Variants in DECR2 observed in about 807,000 individuals in gnomAD.
DECR2 encodes the protein 2,4-dienoyl-CoA reductase 2.
A neutral mutation model predicts 29.2 loss-of-function variants in DECR2; 34 were observed. The ratio of observed to expected loss-of-function variants is 1.16; its 90% confidence interval spans 0.89 to 1.55. The LOEUF (loss-of-function observed/expected upper bound fraction) is 1.55. DECR2 is among the 40% of genes most tolerant of loss of function. The pLI, the probability that DECR2 is intolerant of heterozygous loss-of-function variation, is 0.00. For synonymous variants in DECR2, 224 were observed against 182.7 expected (o/e 1.23, Z -1.82); for missense variants, 485 against 425.3 (o/e 1.14, Z -1.23).
chr16:411,069 G>T lies in DECR2; in HGVS notation c.654G>T (p.Arg218=). The change falls in exon 7 of 9, where the codon CGG becomes CGT. Residue 218 remains arginine, a synonymous_variant. Coordinates refer to ENST00000219481, the MANE Select transcript of DECR2 (RefSeq NM_020664.4). ...PGPISGTEGL[R]RLGGPQASLS... is the part of the protein sequence containing the mutation. ...CCATCAGTGGCACAGAGGGGCTCCG[G>T]CGACTGGGTAAGGCTCTCAGGGAGC... The T allele has an allele frequency of 1.3e-6, 2 of 1,542,214 alleles. No homozygotes were observed. Among genetic ancestry groups the T allele is most frequent in the Non-Finnish European group, 1.7e-6 (2 of 1,148,072 alleles).
intron 1 of DECR2, among the ~76,000 whole-genome samples, chr16:404,405 AT>A (rs1218861280): frequency 2.0e-5 from 3 of 148,964 alleles, no homozygotes; most frequent in African/African-American, 7.3e-5. Context: ...CACCCGGCTA[AT>A]TTTTTATATT....
At chr16:411,307 G>C in intron 7 of DECR2, 54 bp from the exon 8 acceptor site, 1 of 1,524,068 alleles carries the variant, frequency 6.6e-7, no homozygotes, top group Non-Finnish European at 8.9e-7. Flanking sequence ...GGGGGAGAGG[G>C]GAGGGTGCTG....
rs1202847314 is a variant in DECR2 at position 410,016 on chromosome 16, A to G, written c.338-227A>G. The G allele has an allele frequency of 3.5e-6, 2 of 570,214 alleles. No individual in the cohort carries two copies. The highest frequency in any genetic ancestry group is 6.1e-6 in the Non-Finnish European group (2 of 328,698). The allele number at this position is 570,214 out of a possible 1,614,324, so 35.3% of individuals were successfully genotyped here. On this transcript the variant is annotated intron_variant, in intron 4 of 8. Transcript: ENST00000219481. The surrounding 1 kb of genome is among the most constrained non-coding windows in gnomAD (Gnocchi z 4.1). ...TCCAAACAAGGCCACAGTCGCAGGTACGGAGCCAGGGCTTCAGCATGTCTT... is the reference window on the plus strand; with the variant it reads ...TCCAAACAAGGCCACAGTCGCAGGTGCGGAGCCAGGGCTTCAGCATGTCTT...
intron 4 of DECR2, chr16:409,977 C>T (rs1597205824): frequency 2.0e-6 from 1 of 512,800 alleles, no homozygotes; most frequent in East Asian, 3.1e-5. Flanking sequence ...ATTATCTCTG[C>T]AACCCACCCC....
At chr16:411,326 G>C in intron 7 of DECR2, 35 bp from the exon 8 acceptor site, 1 of 1,579,260 alleles carries the variant, frequency 6.3e-7, no homozygotes. Flanking sequence ...TGGGTCTTGG[G>C]GCTCACGGGG....
rs2054827484 is a variant in DECR2 at position 412,371 on chromosome 16, A to C, written c.*482A>C. Reference sequence around the variant, plus strand: ...TGTTTGCATAAACACACTTTGCTACAATCTTGCTAGTGCGTTTTCTTAAAA... The same window carrying C: ...TGTTTGCATAAACACACTTTGCTACCATCTTGCTAGTGCGTTTTCTTAAAA... On this transcript the variant is annotated 3_prime_UTR_variant, in exon 9 of 9. Transcript: ENST00000219481. 1 of 152,234 alleles carries C rather than the reference A, an allele frequency of 6.6e-6. No individual in the cohort carries two copies. Among genetic ancestry groups the C allele is most frequent in the Admixed American group, 6.5e-5 (1 of 15,272 alleles). 9.4% of individuals were successfully genotyped at this position (152,234 alleles called of 1,614,324 possible).
chr16:408,255 CT>C (rs1291168851), intron 4 of DECR2, among the ~76,000 whole-genome samples: 1 of 149,316 alleles, frequency 6.7e-6, no homozygotes, highest in Non-Finnish European at 1.5e-5. Context: ...CTCCGGCCCC[CT>C]GTCTCTGGGC....
At chr16:408,169 CT>C (rs1485086856) in intron 4 of DECR2, among the ~76,000 whole-genome samples, 4 of 142,352 alleles carry the variant, frequency 2.8e-5, no homozygotes, top group African/African-American at 1.1e-4. Context: ...GTCTCCGGGC[CT>C]CTGTCTCCGG....
At chr16:407,909 GTCTCCGGCCCCA>G (rs1176666563) in intron 4 of DECR2, among the ~76,000 whole-genome samples, 13 of 132,424 alleles carry the variant, frequency 9.8e-5, no homozygotes, top group Admixed American at 3.8e-4. Context: ...CCGGGCCTCT[GTCTCCGGCCCCA>G]TCTCCGGCCC....
chr16:410,577 CCT>C lies in DECR2; in HGVS notation c.463-113_463-112del, dbSNP rs2054803649. ...GCCCGCTCCCTGCCCTGGGCCTCCC[CCT>C]GACGGCCGCCCGCTCCCTGCCCCGG... On this transcript the variant is annotated intron_variant, in intron 5 of 8. Coordinates refer to ENST00000219481, the MANE Select transcript of DECR2 (RefSeq NM_020664.4). The surrounding 1 kb of genome is among the most constrained non-coding windows in gnomAD (Gnocchi z 4.1). The C allele has an allele frequency of 1.4e-6, 2 of 1,386,020 alleles. No homozygotes were observed. Among genetic ancestry groups the C allele is most frequent in the Non-Finnish European group, 9.8e-7 (1 of 1,018,092 alleles). 85.9% of individuals were successfully genotyped at this position (1,386,020 alleles called of 1,614,324 possible).
intron 2 of DECR2, chr16:405,471 C>G (rs2054713527): frequency 1.9e-5 from 23 of 1,239,568 alleles, no homozygotes; most frequent in Non-Finnish European, 2.4e-5. Flanking sequence ...GTGAGTCCCA[C>G]AGGAAGAGAT....
Position 410,524 on chromosome 16 carries a change from C to A in DECR2, c.462+157C>A, listed in dbSNP as rs1445391609. On this transcript the variant is annotated intron_variant, in intron 5 of 8. Coordinates refer to ENST00000219481, the MANE Select transcript of DECR2 (RefSeq NM_020664.4). The surrounding 1 kb of genome is among the most constrained non-coding windows in gnomAD (Gnocchi z 4.1). ...GGCCTCCCCCTGACGGCCGCCCGCT[C>A]CCTGCCCTGGGCCTCCCCATGACGG... 1 of 1,366,450 alleles carries A rather than the reference C, an allele frequency of 7.3e-7. No individual in the cohort carries two copies. Among genetic ancestry groups the A allele is most frequent in the Admixed American group, 1.9e-5 (1 of 51,602 alleles). 84.6% of individuals were successfully genotyped at this position (1,366,450 alleles called of 1,614,324 possible).
Position 409,044 on chromosome 16 carries a change from C to T in DECR2, c.338-1199C>T, listed in dbSNP as rs28802017. Among the ~76,000 whole-genome samples, 877 of 152,214 alleles carry T rather than the reference C, an allele frequency of 5.8e-3. 6 individuals are homozygous for T. Among genetic ancestry groups the T allele is most frequent in the African/African-American group, 0.021 (858 of 41,534 alleles). On this transcript the variant is annotated intron_variant, in intron 4 of 8. Transcript: ENST00000219481. ...ATGGGGTTTCATCATATTGTTTAGA[C>T]TGGTCTCGAACTCTTGATCTCAGGT... is the stretch of plus-strand genomic sequence containing the variant.
intron 3 of DECR2, chr16:406,941 T>C: frequency 1.9e-6 from 2 of 1,027,564 alleles, no homozygotes; most frequent in Non-Finnish European, 2.3e-6. Flanking sequence ...ATCCTAAATA[T>C]GGAGCTTCAG....
intron 1 of DECR2, among the ~76,000 whole-genome samples, chr16:403,860 G>A (rs111696032): frequency 1.3e-5 from 2 of 151,850 alleles, no homozygotes; most frequent in Admixed American, 6.6e-5. Flanking sequence ...CCTGGATGAC[G>A]TAGCAAGAAC....
intron 2 of DECR2, chr16:405,614 A>G (rs1158410813): frequency 7.7e-7 from 1 of 1,303,740 alleles, no homozygotes; most frequent in East Asian, 5.5e-5. Context: ...CCGAACCAGA[A>G]GAGCCGAGAA....
chr16:407,440 G>T lies in DECR2; in HGVS notation c.217G>T (p.Ala73Ser), dbSNP rs1479328063. 3 of 1,609,474 alleles carry T rather than the reference G, an allele frequency of 1.9e-6. No homozygotes were observed. The highest frequency in any genetic ancestry group is 2.7e-5 in the African/African-American group (2 of 74,878). The change falls in exon 4 of 9, where the codon GCT becomes TCT. Residue 73 changes from alanine (A) to serine (S), a missense_variant. By Grantham distance (99) the Ala-to-Ser change is moderately conservative. Transcript: ENST00000219481. ...TGGCTTCTAGGCCGCCAGGAAGCTG[G>T]CTGGGGCCACCGGCCGGCGCTGCCT... ...PRVLTAARKL[A>S]GATGRRCLPL... is the part of the protein sequence containing the mutation.
At chr16:403,623 G>A (rs2054692493) in intron 1 of DECR2, among the ~76,000 whole-genome samples, 2 of 152,088 alleles carry the variant, frequency 1.3e-5, no homozygotes, top group African/African-American at 4.8e-5. Context: ...AAAAGACACA[G>A]AAATACCCTT....
chr16:406,867 C>T (rs1411071469), intron 3 of DECR2: 2 of 966,230 alleles, frequency 2.1e-6, no homozygotes, highest in Non-Finnish European at 2.5e-6. Flanking sequence ...GCACCTCAGC[C>T]TCCCAAAGTG....
Sources: allele counts gnomAD v4.1 joint callset (sites outside exome capture counted in the v4.1 genomes callset), GRCh38; gene constraint gnomAD v4.1.1; non-coding constraint Gnocchi (gnomAD v3.1); transcripts MANE v1.5; gene names NCBI Gene and HGNC (gene_info 2026-07-23, HGNC 2026-07-21).